Variants in NRG1 observed in about 807,000 individuals in gnomAD.
NRG1 encodes the protein pro-neuregulin-1, membrane-bound isoform.
Under a neutral mutation model 63.8 loss-of-function variants are expected in NRG1, and 18 were observed. The observed-to-expected ratio is 0.28, with a 90% confidence interval of 0.19 to 0.42. The LOEUF is 0.42. NRG1 is among the 10% of genes least tolerant of loss of function. NRG1 has a pLI of 1.00. For missense variants in NRG1, 762 were observed against 814.7 expected (o/e 0.94, Z 0.79); for synonymous variants, 302 against 301.3 (o/e 1.00, Z -0.02).
chr8:32,749,404 G>A, intron 7 of NRG1: 1 of 763,450 alleles, frequency 1.3e-6, no homozygotes, highest in Non-Finnish European at 2.3e-6. Context: ...GCGTACCTGA[G>A]CACTGCTTCT....
At chr8:32,422,705 C>T (rs1056291407) in intron 1 of NRG1, among the ~76,000 whole-genome samples, 1 of 152,192 alleles carries the variant, frequency 6.6e-6, no homozygotes, top group African/African-American at 2.4e-5. Context: ...AACAACCTTG[C>T]CAACGTTGGG....
rs550728518 is a variant in NRG1 at position 32,762,289 on chromosome 8, G to GA, written c.1260-1457dup. Reference sequence around the variant, plus strand: ...CAATCGTTTTTTGAAACATGAAAAGGAAGTTAGAGATGAAATCATTCTTCA... The same window carrying GA: ...CAATCGTTTTTTGAAACATGAAAAGGAAAGTTAGAGATGAAATCATTCTTCA... On this transcript the variant is annotated intron_variant, in intron 11 of 11. Transcript: ENST00000356819. Among the ~76,000 whole-genome samples the GA allele has an allele frequency of 7.2e-5, 11 of 152,014 alleles. No homozygotes were observed. The South Asian group carries it at 2.3e-3, about 32-fold the overall frequency.
chr8:32,753,985 T>C (rs1233957159), intron 7 of NRG1, among the ~76,000 whole-genome samples: 1 of 152,052 alleles, frequency 6.6e-6, no homozygotes, highest in African/African-American at 2.4e-5. Context: ...CTGTTGTCTT[T>C]GCAAGAGCTT....
rs561689322 is a variant in NRG1, at chr8:32,001,311, A to T, written c.37+361880A>T. Reference sequence around the variant, plus strand: ...ATTCTAGTGATAGTGAATAAGTCTCATGAGATCTGATGGTTTTATAAAGGG... The same window carrying T: ...ATTCTAGTGATAGTGAATAAGTCTCTTGAGATCTGATGGTTTTATAAAGGG... On this transcript the variant is annotated intron_variant, in intron 1 of 10. Transcript: ENST00000519301. 8.5e-5 allele frequency among the ~76,000 whole-genome samples: 13 copies of T among 152,098 alleles called. No individual in the cohort carries two copies. In the East Asian group the frequency reaches 1.4e-3, roughly 16 times the overall value.
intron 1 of NRG1, among the ~76,000 whole-genome samples, chr8:31,866,797 C>T (rs559531748): frequency 3.0e-4 from 46 of 152,202 alleles, no homozygotes; most frequent in African/African-American, 1.1e-3. Flanking sequence ...AAATATTAGC[C>T]TATTCCATTG....
chr8:32,364,645 G>A (rs922724059), intron 1 of NRG1, among the ~76,000 whole-genome samples: 1 of 152,014 alleles, frequency 6.6e-6, no homozygotes, highest in Non-Finnish European at 1.5e-5. Flanking sequence ...TTGTACTTGT[G>A]AGATTTCTTT....
intron 1 of NRG1, among the ~76,000 whole-genome samples, chr8:32,573,779 T>A (rs1182447748): frequency 1.3e-5 from 2 of 152,044 alleles, no homozygotes; most frequent in Non-Finnish European, 2.9e-5. Context: ...ATTAGGTATA[T>A]CTCCTAATGC....
chr8:31,951,982 T>C (rs1803543461), intron 1 of NRG1, among the ~76,000 whole-genome samples: 1 of 152,162 alleles, frequency 6.6e-6, no homozygotes, highest in Admixed American at 6.5e-5. Flanking sequence ...TCAGGATCTT[T>C]TAAATTTGGA....
At chr8:32,630,544 A>G (rs1399875129) in intron 5 of NRG1, among the ~76,000 whole-genome samples, 1 of 152,222 alleles carries the variant, frequency 6.6e-6, no homozygotes, top group Non-Finnish European at 1.5e-5. Flanking sequence ...ACCATGTGAT[A>G]TGTAGCCTCA....
chr8:32,023,500 C>T (rs1816772996), intron 1 of NRG1, among the ~76,000 whole-genome samples: 1 of 152,172 alleles, frequency 6.6e-6, no homozygotes, highest in African/African-American at 2.4e-5. Context: ...AGCTGCAGGC[C>T]AAAGCGTCAC....
At chr8:31,966,224 G>A (rs1285965974) in intron 1 of NRG1, among the ~76,000 whole-genome samples, 1 of 106,402 alleles carries the variant, frequency 9.4e-6, no homozygotes, top group East Asian at 2.1e-4. Flanking sequence ...GTAACTTATG[G>A]TCAATCTTGT....
At chr8:32,293,713 T>G (rs111297938) in intron 1 of NRG1, among the ~76,000 whole-genome samples, 6,187 of 141,394 alleles carry the variant, frequency 0.044, 455 homozygotes, top group African/African-American at 0.15. Context: ...TTTTCTTTTC[T>G]TCTTCTTTTT....
At chr8:31,993,754 C>A (rs1811467183) in intron 1 of NRG1, among the ~76,000 whole-genome samples, 1 of 152,006 alleles carries the variant, frequency 6.6e-6, no homozygotes, top group East Asian at 1.9e-4. Flanking sequence ...GGGCTAAGGA[C>A]TTTACCTCTA....
At position 31,744,770 on chromosome 8, in the gene NRG1, T is replaced by C. The variant is rs534994832; in HGVS notation, c.37+105339T>C. 3.9e-5 allele frequency among the ~76,000 whole-genome samples: 6 copies of C among 152,126 alleles called. No individual in the cohort carries two copies. In the East Asian group the frequency reaches 9.7e-4, roughly 25 times the overall value. ...CAGATGTATTATTCAACACTGTGAA[T>C]ACTGTAGTAATAATTTTTGGTATTT... is the stretch of plus-strand genomic sequence containing the variant. On this transcript the variant is annotated intron_variant, in intron 1 of 10. Transcript: ENST00000519301.
intron 1 of NRG1, among the ~76,000 whole-genome samples, chr8:31,717,359 A>G (rs1812453296): frequency 6.6e-6 from 1 of 151,110 alleles, no homozygotes; most frequent in East Asian, 2.0e-4. Flanking sequence ...GTGAGCCAAG[A>G]TGGCACTACT....
chr8:31,931,193 C>T (rs949225877), intron 1 of NRG1, among the ~76,000 whole-genome samples: 50 of 152,068 alleles, frequency 3.3e-4, no homozygotes, highest in Non-Finnish European at 8.8e-5. Flanking sequence ...GTACACCGAC[C>T]TCTCACCGAA....
chr8:32,437,122 A>T (rs1023238465), intron 1 of NRG1, among the ~76,000 whole-genome samples: 3 of 151,970 alleles, frequency 2.0e-5, no homozygotes, highest in Admixed American at 2.0e-4. Context: ...CACTTCCTAA[A>T]CTCACTTAGA....
intron 1 of NRG1, among the ~76,000 whole-genome samples, chr8:31,694,940 C>T (rs991043590): frequency 2.0e-5 from 3 of 152,098 alleles, no homozygotes; most frequent in African/African-American, 7.2e-5. Flanking sequence ...GGGAGAACTT[C>T]TTAATGTATT....
chr8:32,293,805 T>C (rs7816282), intron 1 of NRG1, among the ~76,000 whole-genome samples: 108,318 of 148,092 alleles, frequency 0.73, 40,620 homozygotes, highest in African/African-American at 0.91. Context: ...CTGCAACATC[T>C]GCTTCCCGGG....
Sources: allele counts gnomAD v4.1 joint callset (sites outside exome capture counted in the v4.1 genomes callset), GRCh38; gene constraint gnomAD v4.1.1; transcripts MANE v1.5; gene names NCBI Gene and HGNC (gene_info 2026-07-23, HGNC 2026-07-21).